GLI2: variants seen among roughly 807,000 people sequenced by gnomAD.
The protein encoded by GLI2 is transcription activator GLI2.
A neutral mutation model predicts 78.9 loss-of-function variants in GLI2; 22 were observed. That is an observed-to-expected ratio of 0.28 (90% CI 0.20 to 0.40). The LOEUF (loss-of-function observed/expected upper bound fraction) is 0.40, where lower values mean the gene tolerates loss of function less well. Among genes scored for constraint, GLI2 ranks in the 10% least tolerant of loss-of-function variants. GLI2 has a pLI of 1.00. For missense variants in GLI2, 2,097 were observed against 2,213.2 expected (o/e 0.95, Z 1.05); for synonymous variants, 974 against 963.7 (o/e 1.01, Z -0.20).
intron 2 of GLI2, among the ~76,000 whole-genome samples, chr2:120,848,322 G>C (rs1402634296): frequency 6.6e-6 from 1 of 152,162 alleles, no homozygotes; most frequent in Non-Finnish European, 1.5e-5. Flanking sequence ...AGAGCTCCTT[G>C]GCGTTGGGAG....
chr2:120,808,277 G>A (rs1685055488), intron 2 of GLI2, among the ~76,000 whole-genome samples: 1 of 152,168 alleles, frequency 6.6e-6, no homozygotes, highest in South Asian at 2.1e-4. Context: ...GTGGTGTGAT[G>A]GTGGCCAGGG....
At chr2:120,795,053 G>A (rs948158925) in intron 1 of GLI2, among the ~76,000 whole-genome samples, 1 of 152,132 alleles carries the variant, frequency 6.6e-6, no homozygotes, top group Admixed American at 6.5e-5. Context: ...AAAAGATGTG[G>A]GAGTATTGTG....
intron 8 of GLI2, among the ~76,000 whole-genome samples, chr2:120,974,727 A>G (rs1378057308): frequency 1.3e-5 from 2 of 152,202 alleles, no homozygotes; most frequent in Non-Finnish European, 2.9e-5. Context: ...CCATCTGACA[A>G]GGAGAGCTGT....
chr2:120,839,317 G>A (rs1402778799), intron 2 of GLI2, among the ~76,000 whole-genome samples: 2 of 152,012 alleles, frequency 1.3e-5, no homozygotes, highest in African/African-American at 4.8e-5. Context: ...TGGGTTTGTT[G>A]GTTTCTTAAC....
intron 2 of GLI2, among the ~76,000 whole-genome samples, chr2:120,813,156 G>C (rs1312760803): frequency 6.6e-6 from 1 of 152,234 alleles, no homozygotes; most frequent in Non-Finnish European, 1.5e-5. Flanking sequence ...GCAGGGCCGG[G>C]GTGGTGAAAC....
chr2:120,901,482 G>A (rs1398347705), intron 2 of GLI2, among the ~76,000 whole-genome samples: 1 of 152,172 alleles, frequency 6.6e-6, no homozygotes, highest in African/African-American at 2.4e-5. Context: ...CCGCTGGGCC[G>A]GTGCTGCTCC....
Position 120,989,535 on chromosome 2 carries a change from C to T in GLI2, c.3570C>T (p.Pro1190=), listed in dbSNP as rs1356022021. ...GLDSTQPHLQ[P]RSGAPSQGIP... The stretch of plus-strand genomic sequence containing the variant: ...ACAGCACGCAGCCACACCTGCAGCC[C>T]CGCAGCGGAGCCCCCTCCCAGGGCA... The change falls in exon 14 of 14, where the codon CCC becomes CCT. Residue 1190 remains proline, a synonymous_variant. Transcript: ENST00000361492. 2 of 1,612,364 alleles carry T rather than the reference C, an allele frequency of 1.2e-6. No homozygotes were observed. The highest frequency in any genetic ancestry group is 4.5e-5 in the East Asian group (2 of 44,848).
intron 2 of GLI2, among the ~76,000 whole-genome samples, chr2:120,869,211 CT>C (rs1257060212): frequency 6.6e-6 from 1 of 152,176 alleles, no homozygotes; most frequent in Non-Finnish European, 1.5e-5. Context: ...CTGGGGCACA[CT>C]TCCCTAGCCA....
chr2:120,860,061 A>G (rs1687836614), intron 2 of GLI2, among the ~76,000 whole-genome samples: 1 of 152,124 alleles, frequency 6.6e-6, no homozygotes, highest in African/African-American at 2.4e-5. Context: ...TCTGCTCCCC[A>G]GAGGTCATGG....
Position 120,805,364 on chromosome 2 carries a change from A to T in GLI2, c.148+7896A>T, listed in dbSNP as rs576249782. ...TGGTTCCTATAAGCTGGTGAACCCT[A>T]CCTGCCTGGAATGACAGTGTCAGAG... On this transcript the variant is annotated intron_variant, in intron 2 of 13. Transcript: ENST00000361492. 3.3e-5 allele frequency among the ~76,000 whole-genome samples: 5 copies of T among 152,306 alleles called. No homozygotes were observed. The South Asian group carries it at 1.0e-3, about 32-fold the overall frequency.
chr2:120,929,681 G>A (rs1036662016), intron 3 of GLI2, among the ~76,000 whole-genome samples: 1 of 152,214 alleles, frequency 6.6e-6, no homozygotes, highest in Non-Finnish European at 1.5e-5. Context: ...GTTGTCCTCT[G>A]TGTCCCGTTG....
At chr2:120,776,218 C>T (rs1045739296) in intron 1 of GLI2, among the ~76,000 whole-genome samples, 5 of 152,246 alleles carry the variant, frequency 3.3e-5, no homozygotes, top group African/African-American at 1.2e-4. Flanking sequence ...ATCTTCGCAG[C>T]ACCGGACATG....
intron 1 of GLI2, among the ~76,000 whole-genome samples, chr2:120,748,047 TC>T (rs1391022844): frequency 6.6e-6 from 1 of 152,186 alleles, no homozygotes; most frequent in Non-Finnish European, 1.5e-5. Flanking sequence ...GTCTCCGAAA[TC>T]CCAGCAGGTT....
intron 8 of GLI2, 190 bp from the exon 9 acceptor site, chr2:120,974,785 T>A: frequency 7.1e-6 from 5 of 700,702 alleles, no homozygotes; most frequent in Non-Finnish European, 1.0e-5. Context: ...GATGAGTGTG[T>A]GTGTGTGTGT....
intron 1 of GLI2, among the ~76,000 whole-genome samples, chr2:120,773,227 T>C (rs892305248): frequency 3.9e-5 from 6 of 152,064 alleles, no homozygotes; most frequent in South Asian, 2.1e-4. Flanking sequence ...ATAAGTCTTT[T>C]GGGGGAAAAG....
At chr2:120,950,828 C>T (rs879228503) in intron 3 of GLI2, among the ~76,000 whole-genome samples, 1 of 152,194 alleles carries the variant, frequency 6.6e-6, no homozygotes, top group Admixed American at 6.5e-5. Context: ...GCGTTTTACC[C>T]GTGGTATTCG....
intron 6 of GLI2, among the ~76,000 whole-genome samples, chr2:120,970,183 T>G (rs1468284977): frequency 6.6e-6 from 1 of 152,062 alleles, no homozygotes; most frequent in Non-Finnish European, 1.5e-5. Flanking sequence ...GTCTACATCC[T>G]GGGGCAGAAC....
rs1381307821 is a variant in GLI2 at position 120,951,314 on chromosome 2, G to T, written c.326G>T (p.Gly109Val). The T allele has an allele frequency of 1.9e-6, 3 of 1,606,870 alleles. No homozygotes were observed. Among genetic ancestry groups the T allele is most frequent in the East Asian group, 2.2e-5 (1 of 44,852 alleles). Residue 109 changes from glycine (G) to valine (V), a missense_variant, in exon 4 of 14, where the codon GGC becomes GTC. Transcript: ENST00000361492. ...ATCCGGCTTTCCCCGCACCCGGCTG[G>T]CCCTGGGGAGTCCCCCTTCAACGCC... Reference protein sequence around the residue: ...SLIRLSPHPAGPGESPFNAPH... With the variant: ...SLIRLSPHPAVPGESPFNAPH...
intron 2 of GLI2, among the ~76,000 whole-genome samples, chr2:120,895,355 G>T (rs569277508): frequency 2.0e-5 from 3 of 152,330 alleles, no homozygotes; most frequent in African/African-American, 7.2e-5. Flanking sequence ...GGAGGAAGGG[G>T]AAGTGAAGTA....
Sources: gnomAD v4.1 joint callset for allele counts (sites outside exome capture counted in the v4.1 genomes callset) on GRCh38, gnomAD v4.1.1 for gene constraint, MANE v1.5 for transcripts, NCBI Gene and HGNC (gene_info 2026-07-23, HGNC 2026-07-21) for gene names.